ADIPOR2: variants seen among roughly 807,000 people sequenced by gnomAD.
ADIPOR2 encodes the protein adiponectin receptor 2, also known as adiponectin receptor protein 2.
ADIPOR2 carries 18 observed loss-of-function variants against 40.9 expected under a neutral mutation model. The observed-to-expected ratio is 0.44, with a 90% CI of 0.30 to 0.65. The LOEUF is 0.65. ADIPOR2 is among the 30% of genes least tolerant of loss of function. The pLI, the probability that ADIPOR2 is intolerant of heterozygous loss-of-function variation, is 0.09. For missense variants in ADIPOR2, 283 were observed against 479.2 expected (o/e 0.59, Z 3.82); for synonymous variants, 165 against 166.4 (o/e 0.99, Z 0.06).
At chr12:1,751,909 T>C (rs2094770033) in intron 1 of ADIPOR2, among the ~76,000 whole-genome samples, 1 of 151,094 alleles carries the variant, frequency 6.6e-6, no homozygotes, top group East Asian at 1.9e-4. Flanking sequence ...TATTTTTCTT[T>C]TCTTTTCTTT....
At position 1,782,974 on chromosome 12, in the gene ADIPOR2, TTC is replaced by T. The variant is rs1456135383; in HGVS notation, c.839-904_839-903del. Among the ~76,000 whole-genome samples, 230 of 114,018 alleles carry T rather than the reference TTC, an allele frequency of 2.0e-3. 2 individuals are homozygous for T. The highest frequency in any genetic ancestry group is 8.3e-3 in the African/African-American group (218 of 26,292). 74.8% of individuals were successfully genotyped at this position (114,018 alleles called of 152,430 possible). A position where few individuals can be genotyped will look rare whatever the true frequency, so the allele number is the denominator to read the frequency against. ...TTTTCTTTTCTTTTTCTTTCTTTCT[TTC>T]TTTTTTTTTTTTTTTTTTTTTTTTT... On this transcript the variant is annotated intron_variant, in intron 6 of 7. Coordinates refer to ENST00000357103, the MANE Select transcript of ADIPOR2 (RefSeq NM_024551.3).
chr12:1,767,269 C>CAAAAAAAAAAAAAAAAAAAAAAAAAA (rs61401998), intron 2 of ADIPOR2, among the ~76,000 whole-genome samples: 1 of 87,466 alleles, frequency 1.1e-5, no homozygotes. Context: ...AAGACTTCGT[C>CAAAAAAAAAAAAAAAAAAAAAAAAAA]AAAAAAAAAA....
intron 1 of ADIPOR2, among the ~76,000 whole-genome samples, chr12:1,692,086 C>T (rs1592562442): frequency 1.4e-5 from 2 of 146,306 alleles, no homozygotes; most frequent in African/African-American, 2.5e-5. Context: ...CAAAAGCAGA[C>T]TTTTTTTTTT....
chr12:1,777,657 C>T (rs939125744), intron 3 of ADIPOR2, among the ~76,000 whole-genome samples, 197 bp from the exon 4 acceptor site: 1 of 151,928 alleles, frequency 6.6e-6, no homozygotes, highest in South Asian at 2.1e-4. Flanking sequence ...GCCACCATGC[C>T]CGGCAAAAAT....
At position 1,778,183 on chromosome 12, in the gene ADIPOR2, G is replaced by C; in HGVS notation, c.463+158G>C. On this transcript the variant is annotated intron_variant, in intron 4 of 7. Coordinates refer to ENST00000357103, the MANE Select transcript of ADIPOR2 (RefSeq NM_024551.3). ...GAATTTTCTGACTGGTTTACTCGTA[G>C]TTTATCCTGGTTTGCACTATGATTT... 3 of 799,354 alleles carry C rather than the reference G, an allele frequency of 3.8e-6. No individual in the cohort carries two copies. The South Asian group carries it at 6.3e-5, about 17-fold the overall frequency. The allele number at this position is 799,354 out of a possible 1,614,324, so 49.5% of individuals were successfully genotyped here. A position where few individuals can be genotyped will look rare whatever the true frequency, so the allele number is the denominator to read the frequency against.
intron 3 of ADIPOR2, 128 bp downstream of exon 3, chr12:1,773,089 C>A: frequency 8.4e-7 from 1 of 1,195,336 alleles, no homozygotes; most frequent in Non-Finnish European, 1.1e-6. Context: ...AAGATGGGGA[C>A]AGAAGTGGTC....
chr12:1,768,138 CT>C (rs1204159551), intron 2 of ADIPOR2, among the ~76,000 whole-genome samples: 1 of 152,200 alleles, frequency 6.6e-6, no homozygotes, highest in Admixed American at 6.5e-5. Flanking sequence ...CAAAGGTTTA[CT>C]GTCTCCAGCC....
chr12:1,761,043 T>G (rs1293065213), intron 2 of ADIPOR2: 1 of 152,224 alleles, frequency 6.6e-6, no homozygotes, highest in Admixed American at 6.5e-5. Flanking sequence ...AACTTTTTTT[T>G]ACAGTATATT....
intron 2 of ADIPOR2, chr12:1,757,575 G>C: frequency 9.5e-7 from 1 of 1,056,830 alleles, no homozygotes; most frequent in Non-Finnish European, 1.5e-6. Context: ...GAGGGAATCA[G>C]GGTAGCGGAT....
chr12:1,786,160 A>G lies in ADIPOR2; in HGVS notation c.*88A>G, dbSNP rs1592637253. On this transcript the variant is annotated 3_prime_UTR_variant, in exon 8 of 8. Transcript: ENST00000357103. Reference sequence around the variant, plus strand: ...TGCTGGCTACTGATGCCAGTACCAGAGGAGCCCCAAAACTTTGACAGCCTC... The same window carrying G: ...TGCTGGCTACTGATGCCAGTACCAGGGGAGCCCCAAAACTTTGACAGCCTC... 2 of 1,522,150 alleles carry G rather than the reference A, an allele frequency of 1.3e-6. No homozygotes were observed. The highest frequency in any genetic ancestry group is 2.8e-5 in the African/African-American group (2 of 71,836). 94.3% of individuals were successfully genotyped at this position (1,522,150 alleles called of 1,614,324 possible).
At chr12:1,733,751 T>TC (rs2094725059) in intron 1 of ADIPOR2, among the ~76,000 whole-genome samples, 1 of 121,012 alleles carries the variant, frequency 8.3e-6, no homozygotes, top group Admixed American at 8.9e-5. Flanking sequence ...ATGCTATCCC[T>TC]CCCCCCTCCC....
chr12:1,771,411 C>T (rs958494968), intron 2 of ADIPOR2, among the ~76,000 whole-genome samples: 2 of 151,514 alleles, frequency 1.3e-5, no homozygotes, highest in African/African-American at 4.8e-5. Context: ...AAAAAGGTCC[C>T]GGGGCTTGTG....
chr12:1,743,639 C>A (rs1399246556), intron 1 of ADIPOR2, among the ~76,000 whole-genome samples: 1 of 152,152 alleles, frequency 6.6e-6, no homozygotes, highest in Non-Finnish European at 1.5e-5. Flanking sequence ...TGTGCCACTG[C>A]ACTCCAGAGT....
At chr12:1,713,671 A>T (rs546745364) in intron 1 of ADIPOR2, among the ~76,000 whole-genome samples, 190 of 152,134 alleles carry the variant, frequency 1.2e-3, no homozygotes, top group Non-Finnish European at 1.5e-3. Context: ...TTCCTCCCTA[A>T]TAAGGGTATG....
intron 1 of ADIPOR2, among the ~76,000 whole-genome samples, chr12:1,722,571 G>A (rs1469898307): frequency 2.6e-5 from 4 of 152,122 alleles, no homozygotes; most frequent in Admixed American, 2.6e-4. Flanking sequence ...GGTAAAGGAT[G>A]GAATGAGAAT....
Position 1,754,178 on chromosome 12 carries a change from C to T in ADIPOR2, c.-86-80C>T, listed in dbSNP as rs148450408. ...TATTATTGATTGCTGAGTATTCTGT[C>T]GTTTGGATATGTGATAATATAACTG... On this transcript the variant is annotated intron_variant, in intron 1 of 7. Transcript: ENST00000357103. 8.7e-3 allele frequency: 4,612 copies of T among 529,214 alleles called. 34 individuals are homozygous for T. The highest frequency in any genetic ancestry group is 0.012 in the Non-Finnish European group (3,847 of 323,330). The allele number at this position is 529,214 out of a possible 1,614,324, so 32.8% of individuals were successfully genotyped here.
chr12:1,779,178 C>T (rs949503623), intron 4 of ADIPOR2, among the ~76,000 whole-genome samples: 1 of 152,128 alleles, frequency 6.6e-6, no homozygotes, highest in African/African-American at 2.4e-5. Flanking sequence ...AGTATATTAC[C>T]CAAGATGACT....
intron 2 of ADIPOR2, chr12:1,757,986 A>C (rs1862179485): frequency 9.5e-7 from 1 of 1,048,556 alleles, no homozygotes; most frequent in South Asian, 1.3e-5. Flanking sequence ...TGCCCACTTC[A>C]GATGCTTCTT....
chr12:1,780,743 CTT>C (rs372747022), intron 5 of ADIPOR2, 106 bp downstream of exon 5: 55 of 1,293,098 alleles, frequency 4.3e-5, no homozygotes, highest in Middle Eastern at 2.8e-4. Flanking sequence ...CTCATGCAAA[CTT>C]TTTTTTTTTT....
Sources: gnomAD v4.1 joint callset for allele counts (sites outside exome capture counted in the v4.1 genomes callset) on GRCh38, gnomAD v4.1.1 for gene constraint, MANE v1.5 for transcripts, NCBI Gene and HGNC (gene_info 2026-07-23, HGNC 2026-07-21) for gene names.